The following NHLRC2 variants were observed in gnomAD, a reference collection of about 807,000 sequenced individuals.
NHLRC2 encodes NHL repeat-containing protein 2.
In NHLRC2, 33 loss-of-function variants were observed where a neutral mutation model predicts 68.1. The observed-to-expected ratio is 0.48, with a 90% CI of 0.37 to 0.65. The LOEUF (loss-of-function observed/expected upper bound fraction) is 0.65. NHLRC2 is among the 30% of genes least tolerant of loss of function. The pLI, the probability that NHLRC2 is intolerant of heterozygous loss-of-function variation, is 0.00. For missense variants in NHLRC2, 761 were observed against 853.8 expected (o/e 0.89, Z 1.35); for synonymous variants, 311 against 309.6 (o/e 1.00, Z -0.05).
At chr10:113,881,889 AT>A (rs1179328901) in intron 4 of NHLRC2, among the ~76,000 whole-genome samples, 8 of 151,862 alleles carry the variant, frequency 5.3e-5, no homozygotes, top group Middle Eastern at 3.4e-3. Context: ...GCAACTGTTA[AT>A]TTACTTTCTG....
Position 113,855,061 on chromosome 10 carries a change from G to A in NHLRC2, c.178+11G>A, listed in dbSNP as rs769897384. The A allele has an allele frequency of 6.5e-7, 1 of 1,550,334 alleles. No individual in the cohort carries two copies. The highest frequency in any genetic ancestry group is 1.2e-5 in the South Asian group (1 of 84,030). On this transcript the variant is annotated intron_variant, in intron 1 of 10. Transcript: ENST00000369301. ...CCGAGTTTCCGGAAGGTGAGGGGCT[G>A]GCGTCGGGGTGGGGGCCCCTCCCGG...
At chr10:113,885,775 A>G (rs548150883) in intron 5 of NHLRC2, among the ~76,000 whole-genome samples, 1 of 152,178 alleles carries the variant, frequency 6.6e-6, no homozygotes, top group South Asian at 2.1e-4. Context: ...TTTCTTTTAT[A>G]GCAAGTACAA....
At chr10:113,905,106 T>G (rs926815707) in intron 10 of NHLRC2, 70 bp downstream of exon 10, 1 of 846,374 alleles carries the variant, frequency 1.2e-6, no homozygotes, top group Non-Finnish European at 1.8e-6. Flanking sequence ...ATTTTTTATT[T>G]GTTAGGTGAT....
intron 5 of NHLRC2, among the ~76,000 whole-genome samples, chr10:113,886,163 T>TA (rs1846081049): frequency 6.6e-6 from 1 of 151,980 alleles, no homozygotes; most frequent in South Asian, 2.1e-4. Context: ...AGTAAATATT[T>TA]AAGAGTAAAT....
rs1327850972 is a variant in NHLRC2 at position 113,898,164 on chromosome 10, A to C, written c.1094A>C (p.Gln365Pro). ...TGGATAGCCATGGCAGGGACTCATC[A>C]GATATGGGCACTCCTGCTGGACTCT... ...ILWIAMAGTH[Q>P]IWALLLDSGK... The change falls in exon 6 of 11, where the codon CAG (glutamine) becomes CCG (proline). Residue 365 changes from glutamine to proline, a missense_variant. Coordinates refer to ENST00000369301, the MANE Select transcript of NHLRC2 (RefSeq NM_198514.4). The C allele has an allele frequency of 1.2e-6, 2 of 1,613,212 alleles. No individual in the cohort carries two copies. The highest frequency in any genetic ancestry group is 1.7e-6 in the Non-Finnish European group (2 of 1,179,222).
chr10:113,859,128 A>G (rs1845791761), intron 2 of NHLRC2, among the ~76,000 whole-genome samples: 1 of 152,184 alleles, frequency 6.6e-6, no homozygotes, highest in African/African-American at 2.4e-5. Context: ...GGAATGCAAA[A>G]TATAACAGAT....
intron 4 of NHLRC2, among the ~76,000 whole-genome samples, chr10:113,880,527 T>G (rs2134712107): frequency 6.6e-6 from 1 of 152,084 alleles, no homozygotes; most frequent in African/African-American, 2.4e-5. Flanking sequence ...ATCATACTCA[T>G]CCTGTCTAAA....
chr10:113,859,738 G>A (rs1341857128), intron 2 of NHLRC2, among the ~76,000 whole-genome samples: 3 of 151,412 alleles, frequency 2.0e-5, no homozygotes, highest in African/African-American at 7.4e-5. Context: ...GTTGTTATGT[G>A]CAGGGTACTC....
At chr10:113,855,108 G>A in intron 1 of NHLRC2, 58 bp downstream of exon 1, 1 of 1,444,590 alleles carries the variant, frequency 6.9e-7, no homozygotes, top group Non-Finnish European at 9.5e-7. Flanking sequence ...CCTCGGGGAC[G>A]GCGCCCTCCC....
intron 1 of NHLRC2, among the ~76,000 whole-genome samples, chr10:113,855,936 G>A (rs1036220523): frequency 1.3e-5 from 2 of 152,196 alleles, no homozygotes; most frequent in Non-Finnish European, 2.9e-5. Context: ...GCACAGAGAG[G>A]TTAAGTCACA....
At chr10:113,865,123 G>T (rs1403661135) in intron 2 of NHLRC2, among the ~76,000 whole-genome samples, 7 of 151,778 alleles carry the variant, frequency 4.6e-5, no homozygotes. Flanking sequence ...CTAATTTTTT[G>T]TATTTTTAGT....
intron 7 of NHLRC2, 127 bp from the exon 8 acceptor site, chr10:113,902,344 G>T (rs1846236426): frequency 1.6e-6 from 1 of 642,758 alleles, no homozygotes. Flanking sequence ...CTATTTATAT[G>T]AAAATCAGCA....
rs926923994 is a variant in NHLRC2 at position 113,911,563 on chromosome 10, A to G, written c.*3027A>G. ...TATTCATGATTCTTTTATGGCCAATATACTTTTGAGCTTGTATAACTGAGA... is the reference window on the plus strand; with the variant it reads ...TATTCATGATTCTTTTATGGCCAATGTACTTTTGAGCTTGTATAACTGAGA... On this transcript the variant is annotated 3_prime_UTR_variant, in exon 11 of 11. Coordinates refer to ENST00000369301, the MANE Select transcript of NHLRC2 (RefSeq NM_198514.4). 3 of 152,126 alleles carry G rather than the reference A, an allele frequency of 2.0e-5. No homozygotes were observed. The highest frequency in any genetic ancestry group is 4.4e-5 in the Non-Finnish European group (3 of 67,982). 9.4% of individuals were successfully genotyped at this position (152,126 alleles called of 1,614,324 possible). A position where few individuals can be genotyped will look rare whatever the true frequency, so the allele number is the denominator to read the frequency against.
At chr10:113,855,150 C>T in intron 1 of NHLRC2, 100 bp downstream of exon 1, 1 of 1,074,274 alleles carries the variant, frequency 9.3e-7, no homozygotes, top group East Asian at 2.6e-5. Context: ...GTTTGTGCCG[C>T]TGGCGCCCCG....
In NHLRC2 at chr10:113,912,002, T is replaced by A. The variant is rs1223489482; in HGVS notation, c.*3466T>A. On this transcript the variant is annotated 3_prime_UTR_variant, in exon 11 of 11. Transcript: ENST00000369301. ...TTATATAATAACTTTTTAAAAGTCA[T>A]TTTTATTACCAGAGCTCAGAACATT... The A allele has an allele frequency of 6.6e-6, 1 of 152,212 alleles. No homozygotes were observed. Among genetic ancestry groups the A allele is most frequent in the East Asian group, 1.9e-4 (1 of 5,204 alleles). 9.4% of individuals were successfully genotyped at this position (152,212 alleles called of 1,614,324 possible).
chr10:113,883,555 G>C (rs887581808), intron 4 of NHLRC2, among the ~76,000 whole-genome samples: 1 of 151,898 alleles, frequency 6.6e-6, no homozygotes, highest in Non-Finnish European at 1.5e-5. Flanking sequence ...TAACTTTCCT[G>C]TGTGTTTGAA....
Position 113,901,780 on chromosome 10 carries a change from C to G in NHLRC2, c.1254C>G (p.Ala418=). 1 of 1,614,044 alleles carries G rather than the reference C, an allele frequency of 6.2e-7. No individual in the cohort carries two copies. Among genetic ancestry groups the G allele is most frequent in the Non-Finnish European group, 8.5e-7 (1 of 1,179,906 alleles). Residue 418 remains alanine, a synonymous_variant, in exon 7 of 11, where the codon GCC becomes GCG. Transcript: ENST00000369301. ...GFAQPSGLSL[A]SEDPWSCLFV... is the part of the protein sequence containing the mutation. ...CCCAACCTTCAGGCCTTTCCTTGGCCTCTGAAGATCCCTGGAGCTGCTTGT... is the reference window on the plus strand; with the variant it reads ...CCCAACCTTCAGGCCTTTCCTTGGCGTCTGAAGATCCCTGGAGCTGCTTGT...
intron 6 of NHLRC2, 98 bp from the exon 7 acceptor site, chr10:113,901,568 A>G: frequency 1.3e-6 from 1 of 772,188 alleles, no homozygotes; most frequent in South Asian, 1.7e-5. Flanking sequence ...TAGGAGGCTT[A>G]TCACTTTTGA....
At chr10:113,874,293 A>C (rs1165984742) in intron 2 of NHLRC2, among the ~76,000 whole-genome samples, 1 of 152,194 alleles carries the variant, frequency 6.6e-6, no homozygotes, top group Non-Finnish European at 1.5e-5. Flanking sequence ...CTCGTTTTGC[A>C]AATGAGAAAA....
Sources: gnomAD v4.1 joint callset for allele counts (sites outside exome capture counted in the v4.1 genomes callset) on GRCh38, gnomAD v4.1.1 for gene constraint, MANE v1.5 for transcripts, NCBI Gene and HGNC (gene_info 2026-07-23, HGNC 2026-07-21) for gene names.